SRPRB: variants seen among roughly 807,000 people sequenced by gnomAD.
SRPRB encodes signal recognition particle receptor subunit beta.
SRPRB carries 20 observed loss-of-function variants against 31.9 expected under a neutral mutation model. That is an observed-to-expected ratio of 0.63 (90% CI 0.44 to 0.91). The LOEUF is 0.91. Among genes scored for constraint, SRPRB ranks in the 40% least tolerant of loss-of-function variants. SRPRB has a pLI of 0.00. For missense variants in SRPRB, 321 were observed against 324.9 expected (o/e 0.99, Z 0.09); for synonymous variants, 146 against 132.8 (o/e 1.10, Z -0.68).
At chr3:133,803,178 G>GT (rs891797464), upstream of SRPRB, among the ~76,000 whole-genome samples, 86 of 149,552 alleles carry the variant, frequency 5.8e-4, no homozygotes, top group African/African-American at 2.0e-3. Flanking sequence ...TCTGTCTGAA[G>GT]TTTTTTTTTT....
chr3:133,808,049 A>G (rs1935194787), intron 3 of SRPRB, among the ~76,000 whole-genome samples: 1 of 151,894 alleles, frequency 6.6e-6, no homozygotes, highest in Non-Finnish European at 1.5e-5. Flanking sequence ...ATGTTATATC[A>G]CATTTTATTC....
At chr3:133,806,801 A>G (rs1205049546) in intron 2 of SRPRB, 98 bp downstream of exon 2, 2 of 933,882 alleles carry the variant, frequency 2.1e-6, no homozygotes, top group East Asian at 4.9e-5. Flanking sequence ...AAAGAAGCTG[A>G]TGCTGTTAAA....
rs1935432782 is a variant in SRPRB at position 133,819,631 on chromosome 3, G to A, written c.681G>A (p.Lys227=). ...SSSTAPAQLG[K]KGKEFEFSQL... ...GCACTGCCCCTGCTCAGCTGGGGAA[G>A]AAAGGCAAAGAGTTTGAATTCTCAC... is the stretch of plus-strand genomic sequence containing the variant. The change falls in exon 7 of 7, where the codon AAG becomes AAA. Residue 227 remains lysine, a synonymous_variant. Transcript: ENST00000678299. 1.9e-6 allele frequency: 3 copies of A among 1,614,222 alleles called. No individual in the cohort carries two copies. Among genetic ancestry groups the A allele is most frequent in the Non-Finnish European group, 2.5e-6 (3 of 1,180,040 alleles).
chr3:133,815,699 T>C lies in SRPRB; in HGVS notation c.520T>C (p.Ser174Pro). 6.2e-7 allele frequency: 1 copy of C among 1,614,046 alleles called. No individual in the cohort carries two copies. The highest frequency in any genetic ancestry group is 1.1e-5 in the South Asian group (1 of 91,066). Residue 174 changes from serine to proline, a missense_variant, in exon 5 of 7, where the codon TCA becomes CCA. By Grantham distance (74) the Ser-to-Pro change is moderately conservative (BLOSUM62 -1). Transcript: ENST00000678299. ...CAGTATGGGTCTGAAGAATACACCA[T>C]CATTCTTAATAGCCTGCAATAAGCA... The part of the protein sequence containing the change: ...IDSMGLKNTP[S>P]FLIACNKQDI...
intron 4 of SRPRB, among the ~76,000 whole-genome samples, chr3:133,812,331 A>T (rs1044869756): frequency 6.6e-6 from 1 of 152,212 alleles, no homozygotes; most frequent in South Asian, 2.1e-4. Context: ...CAGATAAGAA[A>T]ATTCCTTGGA....
intron 5 of SRPRB, among the ~76,000 whole-genome samples, chr3:133,816,150 A>G (rs943727071): frequency 2.0e-5 from 3 of 152,178 alleles, no homozygotes; most frequent in Middle Eastern, 3.2e-3. Context: ...TAACCATTGA[A>G]AACTTTTCTA....
chr3:133,797,082 G>A (rs1218450357), intron 1 of SRPRB, among the ~76,000 whole-genome samples: 1 of 152,168 alleles, frequency 6.6e-6, no homozygotes, highest in African/African-American at 2.4e-5. Context: ...TTCATGATGT[G>A]TGAAAAAGCA....
At chr3:133,791,827 T>C (rs1934846635) in intron 1 of SRPRB, 1 of 152,208 alleles carries the variant, frequency 6.6e-6, no homozygotes, top group Non-Finnish European at 1.5e-5. Context: ...TCTGTCTGTG[T>C]ATTTATATGT....
chr3:133,816,808 C>T, intron 5 of SRPRB, 70 bp from the exon 6 acceptor site: 1 of 1,238,852 alleles, frequency 8.1e-7, no homozygotes, highest in Non-Finnish European at 1.1e-6. Context: ...AATTTTCCTT[C>T]TGTGTAAGAA....
intron 5 of SRPRB, 33 bp downstream of exon 5, chr3:133,815,759 G>GT (rs1935355326): frequency 1.2e-6 from 2 of 1,602,850 alleles, no homozygotes; most frequent in Non-Finnish European, 8.5e-7. Context: ...TAATAATTGA[G>GT]TTTTTTGGGG....
chr3:133,804,138 C>T (rs1163791004), upstream of SRPRB, among the ~76,000 whole-genome samples: 1 of 147,616 alleles, frequency 6.8e-6, no homozygotes, highest in African/African-American at 2.5e-5. Flanking sequence ...ATGTTTTTTG[C>T]AGAGACAGAG....
chr3:133,819,340 G>A (rs1032135154), intron 6 of SRPRB, among the ~76,000 whole-genome samples: 4 of 151,602 alleles, frequency 2.6e-5, no homozygotes, highest in Admixed American at 2.6e-4. Context: ...TTCTAGCCCT[G>A]TGAGGTCTGA....
downstream of SRPRB, chr3:133,825,341 T>TG (rs1479362071): frequency 3.3e-5 from 5 of 152,266 alleles, no homozygotes; most frequent in East Asian, 9.6e-4. Flanking sequence ...GCACCCCAGA[T>TG]GTGTCTGCAC....
intron 4 of SRPRB, among the ~76,000 whole-genome samples, chr3:133,813,575 A>C (rs1032305075): frequency 8.5e-5 from 13 of 152,152 alleles, no homozygotes; most frequent in Non-Finnish European, 1.5e-4. Flanking sequence ...GTTTCTTTTT[A>C]TACTATTCTA....
chr3:133,819,817 A>G lies in SRPRB; in HGVS notation c.*51A>G. The G allele has an allele frequency of 6.4e-7, 1 of 1,558,070 alleles. No homozygotes were observed. Among genetic ancestry groups the G allele is most frequent in the Non-Finnish European group, 8.8e-7 (1 of 1,140,186 alleles). The stretch of plus-strand genomic sequence containing the variant: ...GGATGTGTGACACACAGTTTTGGAA[A>G]AAGGTCTGTGGTAGTCTGGAGTTGA... On this transcript the variant is annotated 3_prime_UTR_variant, in exon 7 of 7. Coordinates refer to ENST00000678299, the MANE Select transcript of SRPRB (RefSeq NM_001379313.1).
At chr3:133,813,291 C>G (rs772100739) in intron 4 of SRPRB, among the ~76,000 whole-genome samples, 14 of 152,202 alleles carry the variant, frequency 9.2e-5, no homozygotes, top group Non-Finnish European at 1.0e-4. Context: ...TTCTCACCAT[C>G]GTTTCTCCAG....
intron 3 of SRPRB, among the ~76,000 whole-genome samples, chr3:133,808,223 C>T (rs1228944516): frequency 6.6e-6 from 1 of 152,122 alleles, no homozygotes; most frequent in Non-Finnish European, 1.5e-5. Context: ...CCTTTCCCCA[C>T]TACCTAGTTT....
In SRPRB at chr3:133,821,256, A is replaced by G. The variant is rs1935469724; in HGVS notation, c.*1490A>G. 1 of 152,234 alleles carries G rather than the reference A, an allele frequency of 6.6e-6. No individual in the cohort carries two copies. Among genetic ancestry groups the G allele is most frequent in the South Asian group, 2.1e-4 (1 of 4,830 alleles). The allele number at this position is 152,234 out of a possible 1,614,324, so 9.4% of individuals were successfully genotyped here. On this transcript the variant is annotated 3_prime_UTR_variant, in exon 7 of 7. Coordinates refer to ENST00000678299, the MANE Select transcript of SRPRB (RefSeq NM_001379313.1). ...TGTCAGCCTTGCTGCTGGAGCACGA[A>G]GACAATGTAAATGAAACATGAAATG... is the stretch of plus-strand genomic sequence containing the variant.
rs1324014080 is a variant in SRPRB, at chr3:133,791,699, T to C, written c.-174+7555T>C. 2.0e-5 allele frequency: 3 copies of C among 152,222 alleles called. No homozygotes were observed. In the East Asian group the frequency reaches 5.8e-4, roughly 29 times the overall value. 9.4% of individuals were successfully genotyped at this position (152,222 alleles called of 1,614,324 possible). A position where few individuals can be genotyped will look rare whatever the true frequency, so the allele number is the denominator to read the frequency against. The stretch of plus-strand genomic sequence containing the variant: ...TGCTGTTCAAGACACACCAGCAGAC[T>C]GGTCAGTCATGTCTTTGGGAGCTTG... On this transcript the variant is annotated intron_variant, in intron 1 of 7. Transcript: ENST00000466490.
Sources: allele counts gnomAD v4.1 joint callset (sites outside exome capture counted in the v4.1 genomes callset), GRCh38; gene constraint gnomAD v4.1.1; transcripts MANE v1.5; gene names NCBI Gene and HGNC (gene_info 2026-07-23, HGNC 2026-07-21).